The following UNC13C variants were observed in gnomAD, a reference collection of about 807,000 sequenced individuals.
UNC13C encodes protein unc-13 homolog C.
Under a neutral mutation model 245.4 loss-of-function variants are expected in UNC13C, and 174 were observed. The ratio of observed to expected loss-of-function variants is 0.71; its 90% CI spans 0.63 to 0.80. The LOEUF (loss-of-function observed/expected upper bound fraction) is 0.80. Ranked by LOEUF, UNC13C falls within the 30% of genes least tolerant of loss-of-function variation. The pLI is 0.00. For missense variants in UNC13C, 2,829 were observed against 2,602.9 expected (o/e 1.09, Z -1.89); for synonymous variants, 992 against 895.1 (o/e 1.11, Z -1.93).
intron 13 of UNC13C, among the ~76,000 whole-genome samples, chr15:54,308,938 G>A (rs879700352): frequency 5.3e-5 from 8 of 151,486 alleles, no homozygotes; most frequent in Non-Finnish European, 1.2e-4. Flanking sequence ...TTCATATCTC[G>A]GCTATTGTGA....
chr15:54,211,688 C>G (rs962948892), intron 4 of UNC13C, among the ~76,000 whole-genome samples: 3 of 152,046 alleles, frequency 2.0e-5, no homozygotes, highest in South Asian at 4.1e-4. Context: ...TCCCAGTGTT[C>G]CCCATCAATA....
At chr15:54,070,428 G>T (rs1454565161) in intron 2 of UNC13C, among the ~76,000 whole-genome samples, 2 of 152,126 alleles carry the variant, frequency 1.3e-5, no homozygotes, top group African/African-American at 4.8e-5. Flanking sequence ...CTTCAAGGCA[G>T]GCAAGTTACC....
intron 19 of UNC13C, among the ~76,000 whole-genome samples, chr15:54,458,644 C>G (rs1047002891): frequency 7.8e-6 from 1 of 128,796 alleles, no homozygotes; most frequent in African/African-American, 2.9e-5. Flanking sequence ...TATAGAATGT[C>G]CCTCTGTCTT....
intron 2 of UNC13C, among the ~76,000 whole-genome samples, chr15:54,101,897 T>G (rs959014078): frequency 6.6e-6 from 1 of 151,884 alleles, no homozygotes; most frequent in Non-Finnish European, 1.5e-5. Context: ...CTCCCCATTC[T>G]TATACTTGGG....
chr15:54,624,488 C>T (rs1265898801), intron 32 of UNC13C, among the ~76,000 whole-genome samples: 1 of 152,110 alleles, frequency 6.6e-6, no homozygotes, highest in Non-Finnish European at 1.5e-5. Flanking sequence ...GAGTGAGATC[C>T]AAGTGAGGCC....
chr15:54,599,499 G>T (rs1381136919), intron 30 of UNC13C, among the ~76,000 whole-genome samples: 1 of 151,876 alleles, frequency 6.6e-6, no homozygotes, highest in African/African-American at 2.4e-5. Flanking sequence ...AAAATGGTAA[G>T]ATCTATTTCT....
At chr15:53,924,283 G>A in the UNC13C span, among the ~76,000 whole-genome samples, 1 of 152,130 alleles carries the variant, frequency 6.6e-6, no homozygotes, top group Non-Finnish European at 1.5e-5. Context: ...TAATAGACTA[G>A]ATTTGTTTCC....
At chr15:53,858,689 G>T in the UNC13C span, among the ~76,000 whole-genome samples, 1 of 152,042 alleles carries the variant, frequency 6.6e-6, no homozygotes, top group Admixed American at 6.6e-5. Context: ...AAAGTGCTGG[G>T]ATTACAGGCA....
At chr15:53,859,128 A>G in the UNC13C span, among the ~76,000 whole-genome samples, 1 of 152,160 alleles carries the variant, frequency 6.6e-6, no homozygotes, top group African/African-American at 2.4e-5. Context: ...TCACCAAAGC[A>G]TTACCAAAAT....
chr15:54,092,601 C>T (rs919504688), intron 2 of UNC13C, among the ~76,000 whole-genome samples: 3 of 152,122 alleles, frequency 2.0e-5, no homozygotes, highest in Non-Finnish European at 2.9e-5. Flanking sequence ...CCCTTAATCC[C>T]CAAGAACACT....
the UNC13C span, among the ~76,000 whole-genome samples, chr15:53,906,034 T>A: frequency 2.0e-5 from 3 of 152,110 alleles, no homozygotes; most frequent in Non-Finnish European, 4.4e-5. Flanking sequence ...TGGGAGTCCA[T>A]TAAAAGTCTC....
At chr15:53,855,280 C>T in the UNC13C span, among the ~76,000 whole-genome samples, 1 of 152,212 alleles carries the variant, frequency 6.6e-6, no homozygotes, top group South Asian at 2.1e-4. Context: ...TTTGAATATG[C>T]TTTATTTCTT....
intron 8 of UNC13C, among the ~76,000 whole-genome samples, chr15:54,254,076 T>C (rs1423211268): frequency 2.0e-5 from 3 of 152,262 alleles, no homozygotes; most frequent in Admixed American, 6.5e-5. Context: ...GTTGAACTTA[T>C]ATGTCCTAAG....
At chr15:54,425,168 T>C (rs150117720) in intron 19 of UNC13C, among the ~76,000 whole-genome samples, 36 of 151,968 alleles carry the variant, frequency 2.4e-4, no homozygotes, top group African/African-American at 7.7e-4. Flanking sequence ...TAAACCTTAG[T>C]ACCATCACTA....
intron 30 of UNC13C, among the ~76,000 whole-genome samples, chr15:54,593,738 A>C (rs572293327): frequency 2.0e-5 from 3 of 151,720 alleles, no homozygotes; most frequent in African/African-American, 7.3e-5. Flanking sequence ...TTCACTTCTT[A>C]TATCATTTTT....
rs368141131 is a variant in UNC13C, at chr15:54,478,095, G to A, written c.4934-16513G>A. 2.7e-3 allele frequency among the ~76,000 whole-genome samples: 414 copies of A among 150,874 alleles called. 1 individual carries two copies. Among genetic ancestry groups the A allele is most frequent in the Middle Eastern group, 0.01 (3 of 292 alleles). ...CTTCTAGATTTTCTAGTTTATTTGC[G>A]TAGAGGTGTTTGTAGTATTCTCTGA... On this transcript the variant is annotated intron_variant, in intron 19 of 32. Coordinates refer to ENST00000260323, the MANE Select transcript of UNC13C (RefSeq NM_001080534.3).
At chr15:54,328,891 A>G (rs1426374311) in intron 14 of UNC13C, among the ~76,000 whole-genome samples, 1 of 152,098 alleles carries the variant, frequency 6.6e-6, no homozygotes, top group Non-Finnish European at 1.5e-5. Context: ...TTCCACATCC[A>G]TAAATCAAGT....
intron 30 of UNC13C, among the ~76,000 whole-genome samples, chr15:54,590,802 T>G (rs1898746748): frequency 6.6e-6 from 1 of 152,202 alleles, no homozygotes; most frequent in Non-Finnish European, 1.5e-5. Context: ...CTTGTCTGAT[T>G]GCTCTGGCTA....
the UNC13C span, among the ~76,000 whole-genome samples, chr15:53,861,213 G>A: frequency 6.6e-6 from 1 of 152,134 alleles, no homozygotes; most frequent in Non-Finnish European, 1.5e-5. Flanking sequence ...GACTCTATAT[G>A]TGAGACCTCC....
Sources: allele counts gnomAD v4.1 joint callset (sites outside exome capture counted in the v4.1 genomes callset), GRCh38; gene constraint gnomAD v4.1.1; transcripts MANE v1.5; gene names NCBI Gene and HGNC (gene_info 2026-07-23, HGNC 2026-07-21).